ANO7: variants seen among roughly 807,000 people sequenced by gnomAD.
ANO7 encodes the protein anoctamin-7.
In ANO7, 114 loss-of-function variants were observed where a neutral mutation model predicts 115.8. The ratio of observed to expected loss-of-function variants is 0.98; its 90% CI spans 0.85 to 1.15. The LOEUF (loss-of-function observed/expected upper bound fraction) is 1.15. Among genes scored for constraint, ANO7 ranks in the 50% most tolerant of loss-of-function variants. The pLI is 0.00. For synonymous variants in ANO7, 550 were observed against 498.2 expected (o/e 1.10, Z -1.38); for missense variants, 1,302 against 1,201.2 (o/e 1.08, Z -1.24).
Position 241,218,317 on chromosome 2 carries a change from T to C in ANO7, c.2257T>C (p.Phe753Leu), listed in dbSNP as rs1315979252. ...RWTRAHDLRG[F>L]LNFTLARAPS... ...GACCCGCGCCCACGACCTGCGCGGC[T>C]TCCTCAACTTCACGCTGGCGCGAGC... The change falls in exon 21 of 25, where the codon TTC (phenylalanine) becomes CTC (leucine). Residue 753 changes from phenylalanine (F) to leucine (L), a missense_variant. By Grantham distance (22) the Phe-to-Leu change is conservative (BLOSUM62 0). Transcript: ENST00000674324. The C allele has an allele frequency of 2.6e-6, 4 of 1,525,440 alleles. No homozygotes were observed. The Admixed American group carries it at 5.8e-5, about 22-fold the overall frequency. The allele number at this position is 1,525,440 out of a possible 1,614,324, so 94.5% of individuals were successfully genotyped here.
the ANO7 span, among the ~76,000 whole-genome samples, chr2:241,234,177 G>T: frequency 2.0e-5 from 3 of 152,214 alleles, no homozygotes; most frequent in South Asian, 2.1e-4. Flanking sequence ...CCACAAGGAG[G>T]TCTATAAATC....
chr2:241,208,894 A>T (rs543158696), intron 11 of ANO7, among the ~76,000 whole-genome samples: 144 of 152,292 alleles, frequency 9.5e-4, no homozygotes, highest in Non-Finnish European at 1.6e-3. Context: ...TCACGCCTGT[A>T]ATCCCAGCAC....
intron 1 of ANO7, among the ~76,000 whole-genome samples, chr2:241,189,682 T>G (rs2068142205): frequency 6.6e-6 from 1 of 152,044 alleles, no homozygotes; most frequent in African/African-American, 2.4e-5. Context: ...ACCCTACGGA[T>G]AAGAGAGGGA....
At chr2:241,218,809 T>C (rs750103171) in intron 21 of ANO7, among the ~76,000 whole-genome samples, 3 of 152,158 alleles carry the variant, frequency 2.0e-5, no homozygotes, top group African/African-American at 4.8e-5. Context: ...AGAGTCATAA[T>C]AGATCAAGTA....
the ANO7 span, among the ~76,000 whole-genome samples, chr2:241,232,988 G>A: frequency 3.5e-5 from 5 of 143,522 alleles, no homozygotes; most frequent in East Asian, 6.3e-4. Context: ...GGAGGAAGAA[G>A]GGGAAGGGGA....
intron 17 of ANO7, 160 bp downstream of exon 17, chr2:241,212,786 G>T: frequency 1.4e-6 from 1 of 737,060 alleles, no homozygotes; most frequent in Non-Finnish European, 2.2e-6. Flanking sequence ...AGGGCTCCCA[G>T]CCTCTCTTCA....
chr2:241,191,917 T>C (rs2068214710), intron 3 of ANO7, among the ~76,000 whole-genome samples: 3 of 152,178 alleles, frequency 2.0e-5, no homozygotes, highest in Non-Finnish European at 4.4e-5. Flanking sequence ...TAAAAGCCAG[T>C]ATGTCTTCCC....
chr2:241,223,671 T>C lies in ANO7; in HGVS notation c.2422T>C (p.Phe808Leu). The C allele has an allele frequency of 6.2e-7, 1 of 1,612,958 alleles. No individual in the cohort carries two copies. Among genetic ancestry groups the C allele is most frequent in the Non-Finnish European group, 8.5e-7 (1 of 1,179,418 alleles). ...AFVIVFEHVV[F>L]SVGRLLDLLV... ...CTTCCTCTGCTCCCAGCATGTGGTT[T>C]TCTCCGTTGGCCGCCTCCTGGACCT... The change falls in exon 23 of 25, where the codon TTC (phenylalanine) becomes CTC (leucine). Residue 808 changes from phenylalanine (F) to leucine (L), a missense_variant. By Grantham distance (22) the Phe-to-Leu change is conservative (BLOSUM62 0). Transcript: ENST00000674324.
In ANO7 at chr2:241,203,093, G is replaced by C. The variant is rs2074842; in HGVS notation, c.724-240G>C. 6.6e-6 allele frequency among the ~76,000 whole-genome samples: 1 copy of C among 152,058 alleles called. No individual in the cohort carries two copies. Among genetic ancestry groups the C allele is most frequent in the Non-Finnish European group, 1.5e-5 (1 of 67,974 alleles). On this transcript the variant is annotated intron_variant, in intron 8 of 24. Transcript: ENST00000674324. The surrounding 1 kb of genome is among the most constrained non-coding windows in gnomAD (Gnocchi z 4.8). ...GGGTGGCCTCTCCAGGCCCTTCCCC[G>C]CCCTGAACCCTCGAAGTCCAGGAGT...
At chr2:241,238,883 C>A in the ANO7 span, 2 of 999,632 alleles carry the variant, frequency 2.0e-6, no homozygotes, top group South Asian at 2.3e-5. The surrounding 1 kb of genome is among the most constrained non-coding windows in gnomAD (Gnocchi z 4.9). Context: ...CCTCCCTGTC[C>A]TCTACAGCCA....
intron 11 of ANO7, among the ~76,000 whole-genome samples, chr2:241,208,805 G>A (rs995293384): frequency 6.6e-5 from 10 of 152,218 alleles, no homozygotes; most frequent in Non-Finnish European, 1.5e-4. Context: ...ACCTGGGTGT[G>A]AGCCGTCCTG....
chr2:241,212,814 C>T (rs574225609), intron 17 of ANO7, 188 bp downstream of exon 17: 38 of 603,372 alleles, frequency 6.3e-5, no homozygotes, highest in South Asian at 1.9e-4. Flanking sequence ...TTCTGACCCC[C>T]GATATGCCCC....
At chr2:241,207,032 G>T (rs1196118545) in intron 10 of ANO7, among the ~76,000 whole-genome samples, 1 of 133,958 alleles carries the variant, frequency 7.5e-6, no homozygotes, top group African/African-American at 3.2e-5. Flanking sequence ...GCTGACACAG[G>T]TGGACAGGAG....
the ANO7 span, among the ~76,000 whole-genome samples, chr2:241,237,128 G>A: frequency 4.6e-5 from 7 of 152,212 alleles, no homozygotes; most frequent in African/African-American, 1.7e-4. Flanking sequence ...GAGGAACACA[G>A]GGCAGACCCA....
chr2:241,230,942 G>A, downstream of ANO7: 5 of 1,611,898 alleles, frequency 3.1e-6, no homozygotes, highest in Non-Finnish European at 4.2e-6. This position sits in a 1 kb window ranked among gnomAD's most constrained non-coding sequence, Gnocchi z 5.0. Context: ...TTTGGTCCTG[G>A]GGCTAAAAAA....
At position 241,203,297 on chromosome 2, in the gene ANO7, G is replaced by C; in HGVS notation, c.724-36G>C. 3.4e-6 allele frequency: 5 copies of C among 1,477,444 alleles called. No homozygotes were observed. Among genetic ancestry groups the C allele is most frequent in the Non-Finnish European group, 3.6e-6 (4 of 1,112,200 alleles). 91.5% of individuals were successfully genotyped at this position (1,477,444 alleles called of 1,614,324 possible). ...ACAACAGTGCCCAGTGGGGTCAGCT[G>C]GGGGAGCCTCCCACCCACAGGCCGC... On this transcript the variant is annotated intron_variant, in intron 8 of 24. Transcript: ENST00000674324. The surrounding 1 kb of genome is among the most constrained non-coding windows in gnomAD (Gnocchi z 4.8).
Position 241,223,953 on chromosome 2 carries a change from G to A in ANO7, c.2581G>A (p.Glu861Lys). Residue 861 changes from glutamate to lysine, a missense_variant and splice_region_variant, in exon 24 of 25, where the codon GAG becomes AAG. Glu to Lys is a moderately conservative substitution (Grantham distance 56, BLOSUM62 1). Coordinates refer to ENST00000674324, the MANE Select transcript of ANO7 (RefSeq NM_001370694.2). ...AAAGGATGAGCAGCCCGAGGGCTCA[G>A]AGGCAAGTCTGGGAGCAGCCAGGCC... ...GTKDEQPEGS[E>K]LSSHWTPFTV... is the part of the protein sequence containing the mutation. 1 of 1,590,824 alleles carries A rather than the reference G, an allele frequency of 6.3e-7. No homozygotes were observed. The highest frequency in any genetic ancestry group is 1.1e-5 in the South Asian group (1 of 91,000).
downstream of ANO7, chr2:241,229,804 A>T: frequency 2.3e-6 from 1 of 437,868 alleles, no homozygotes; most frequent in Non-Finnish European, 4.4e-6. Context: ...CCTCCCTGGG[A>T]CCCAGGAGGG....
intron 4 of ANO7, chr2:241,196,174 G>T: frequency 2.4e-6 from 3 of 1,269,192 alleles, no homozygotes; most frequent in Non-Finnish European, 3.0e-6. Context: ...CGTGTCATTT[G>T]TGTTTATGAC....
Sources: allele counts gnomAD v4.1 joint callset (sites outside exome capture counted in the v4.1 genomes callset), GRCh38; gene constraint gnomAD v4.1.1; non-coding constraint Gnocchi (gnomAD v3.1); transcripts MANE v1.5; gene names NCBI Gene and HGNC (gene_info 2026-07-23, HGNC 2026-07-21).